The following GALNTL6 variants were observed in gnomAD, a reference collection of about 807,000 sequenced individuals.
The protein encoded by GALNTL6 is polypeptide N-acetylgalactosaminyltransferase-like 6.
In GALNTL6, 46 loss-of-function variants were observed where a neutral mutation model predicts 73.7. The ratio of observed to expected loss-of-function variants is 0.62; its 90% CI spans 0.49 to 0.80. The LOEUF (loss-of-function observed/expected upper bound fraction) is 0.80, where lower values mean the gene tolerates loss of function less well. Ranked by LOEUF, GALNTL6 falls within the 30% of genes least tolerant of loss-of-function variation. GALNTL6 has a pLI of 0.00. For synonymous variants in GALNTL6, 259 were observed against 263.7 expected (o/e 0.98, Z 0.17); for missense variants, 604 against 755.0 (o/e 0.80, Z 2.34).
intron 9 of GALNTL6, among the ~76,000 whole-genome samples, chr4:172,945,991 T>A (rs2126325105): frequency 6.6e-6 from 1 of 152,236 alleles, no homozygotes; most frequent in East Asian, 1.9e-4. Flanking sequence ...AAGAAATACA[T>A]TCAAATAAAA....
chr4:171,864,146 A>G (rs1012254185), intron 2 of GALNTL6, among the ~76,000 whole-genome samples: 1 of 152,196 alleles, frequency 6.6e-6, no homozygotes, highest in Non-Finnish European at 1.5e-5. Flanking sequence ...AAAATATAAA[A>G]TTTTGTAAGT....
chr4:172,974,631 T>C (rs185639760), intron 10 of GALNTL6, among the ~76,000 whole-genome samples: 152 of 152,352 alleles, frequency 1.0e-3, no homozygotes, highest in Admixed American at 9.3e-3. Context: ...GTAGAGTTTT[T>C]ACTCGGGCCC....
intron 5 of GALNTL6, among the ~76,000 whole-genome samples, chr4:172,561,052 G>C (rs1356767776): frequency 6.6e-6 from 1 of 151,720 alleles, no homozygotes; most frequent in Non-Finnish European, 1.5e-5. Context: ...AGGAGATCGA[G>C]ACCATCCTGG....
chr4:173,001,265 T>C (rs1199387634), intron 10 of GALNTL6, among the ~76,000 whole-genome samples: 2 of 152,216 alleles, frequency 1.3e-5, no homozygotes, highest in African/African-American at 4.8e-5. Flanking sequence ...TGCTGTAGTT[T>C]AATCCACTTG....
chr4:172,431,345 C>T (rs1731443110), intron 5 of GALNTL6, among the ~76,000 whole-genome samples: 1 of 152,158 alleles, frequency 6.6e-6, no homozygotes, highest in African/African-American at 2.4e-5. Context: ...TGACTACTCA[C>T]ATTAATCAAA....
At chr4:172,642,879 G>A (rs1454973282) in intron 5 of GALNTL6, among the ~76,000 whole-genome samples, 1 of 151,772 alleles carries the variant, frequency 6.6e-6, no homozygotes, top group Non-Finnish European at 1.5e-5. Flanking sequence ...ATGTATGAAT[G>A]AATGGATGAA....
At chr4:172,350,949 T>G (rs1741919022) in intron 5 of GALNTL6, among the ~76,000 whole-genome samples, 1 of 152,072 alleles carries the variant, frequency 6.6e-6, no homozygotes, top group African/African-American at 2.4e-5. Flanking sequence ...TAAATTAACT[T>G]TCTCTGAGTG....
rs1553989776 is a variant in GALNTL6 at position 172,069,555 on chromosome 4, G to GTTATATATAACACATATGTGTTATATA, written c.139-160084_139-160083insGTGTTATATATTATATATAACACATAT. ...CATATATTATATATAACACATATAT[G>GTTATATATAACACATATGTGTTATATA]TTATATATAACACATATATGTTATA... On this transcript the variant is annotated intron_variant, in intron 2 of 12. Transcript: ENST00000506823. Among the ~76,000 whole-genome samples the GTTATATATAACACATATGTGTTATATA allele has an allele frequency of 3.9e-4, 24 of 60,928 alleles. 5 individuals carry two copies. Among genetic ancestry groups the GTTATATATAACACATATGTGTTATATA allele is most frequent in the South Asian group, 9.2e-4 (2 of 2,180 alleles). 40.0% of individuals were successfully genotyped at this position (60,928 alleles called of 152,430 possible).
intron 2 of GALNTL6, among the ~76,000 whole-genome samples, chr4:171,861,475 A>T (rs1735829444): frequency 6.6e-6 from 1 of 152,144 alleles, no homozygotes; most frequent in South Asian, 2.1e-4. Context: ...ACATCAGTTG[A>T]GTATGTTTTT....
At chr4:171,859,246 G>A (rs996055521) in intron 2 of GALNTL6, among the ~76,000 whole-genome samples, 6 of 152,150 alleles carry the variant, frequency 3.9e-5, no homozygotes, top group Non-Finnish European at 7.4e-5. Context: ...GGCCATATTC[G>A]ATTATACAGT....
chr4:172,772,962 G>T (rs1275923975), intron 5 of GALNTL6, among the ~76,000 whole-genome samples: 1 of 152,188 alleles, frequency 6.6e-6, no homozygotes, highest in Non-Finnish European at 1.5e-5. Context: ...GAGTGACATG[G>T]CCACAAGCCA....
At chr4:172,835,062 G>A (rs114022564) in intron 7 of GALNTL6, among the ~76,000 whole-genome samples, 1,764 of 152,318 alleles carry the variant, frequency 0.012, 20 homozygotes, top group Non-Finnish European at 0.019. Context: ...GAGAGGATAA[G>A]CTGACCAAAA....
intron 2 of GALNTL6, among the ~76,000 whole-genome samples, chr4:172,207,096 C>A (rs1195185112): frequency 1.3e-5 from 2 of 151,834 alleles, no homozygotes; most frequent in Non-Finnish European, 2.9e-5. Context: ...GGATTACAGG[C>A]CGCCGTGCCT....
intron 5 of GALNTL6, among the ~76,000 whole-genome samples, chr4:172,390,460 ATGTACCAC>A (rs1345442681): frequency 1.3e-5 from 2 of 152,226 alleles, no homozygotes; most frequent in African/African-American, 2.4e-5. Flanking sequence ...GTTTTAAATT[ATGTACCAC>A]TCTGAGTAGC....
Position 171,891,839 on chromosome 4 carries a change from A to G in GALNTL6, c.138+77121A>G, listed in dbSNP as rs3852084. 4.1e-3 allele frequency among the ~76,000 whole-genome samples: 627 copies of G among 152,324 alleles called. 8 individuals are homozygous for G. The highest frequency in any genetic ancestry group is 0.034 in the Admixed American group (516 of 15,278). ...AAGTATGCCCACTACAACATTTGAA[A>G]CATACTAAAACATATTCACTGTTTT... On this transcript the variant is annotated intron_variant, in intron 2 of 12. Coordinates refer to ENST00000506823, the MANE Select transcript of GALNTL6 (RefSeq NM_001034845.3).
At chr4:171,869,349 A>G (rs1439969879) in intron 2 of GALNTL6, among the ~76,000 whole-genome samples, 2 of 152,334 alleles carry the variant, frequency 1.3e-5, no homozygotes, top group Admixed American at 6.5e-5. Context: ...CTCTTTAAAT[A>G]TAATAATTTG....
At chr4:171,903,548 G>A (rs1226299631) in intron 2 of GALNTL6, among the ~76,000 whole-genome samples, 1 of 149,816 alleles carries the variant, frequency 6.7e-6, no homozygotes, top group African/African-American at 2.5e-5. Flanking sequence ...AAACTGCAAG[G>A]CGGCAGCGAG....
chr4:172,496,182 T>C (rs1579128853), intron 5 of GALNTL6, among the ~76,000 whole-genome samples: 1 of 152,132 alleles, frequency 6.6e-6, no homozygotes, highest in South Asian at 2.1e-4. Flanking sequence ...ATCCAAATAT[T>C]CTGTACTCCC....
chr4:172,806,325 T>A (rs1232911032), intron 5 of GALNTL6, among the ~76,000 whole-genome samples: 1 of 152,224 alleles, frequency 6.6e-6, no homozygotes, highest in Non-Finnish European at 1.5e-5. Flanking sequence ...GAATTCACAC[T>A]AAACAATCTT....
Sources: allele counts gnomAD v4.1 joint callset (sites outside exome capture counted in the v4.1 genomes callset), GRCh38; gene constraint gnomAD v4.1.1; transcripts MANE v1.5; gene names NCBI Gene and HGNC (gene_info 2026-07-23, HGNC 2026-07-21).